Variants in PRRX2 observed in about 807,000 individuals in gnomAD.
PRRX2 encodes the protein paired mesoderm homeobox protein 2.
Under a neutral mutation model 18.0 loss-of-function variants are expected in PRRX2, and 11 were observed. The ratio of observed to expected loss-of-function variants is 0.61; its 90% CI spans 0.39 to 1.01. The LOEUF (loss-of-function observed/expected upper bound fraction) is 1.01. Ranked by LOEUF, PRRX2 falls within the 50% of genes least tolerant of loss-of-function variation. The pLI is 0.01. For missense variants in PRRX2, 387 were observed against 351.0 expected, an observed-to-expected ratio of 1.10 and a Z score of -0.82; for synonymous variants, 177 against 154.8, an observed-to-expected ratio of 1.14 and a Z score of -1.06.
Position 129,722,407 on chromosome 9 carries a change from G to A in PRRX2, c.*55G>A, listed in dbSNP as rs1220960172. On this transcript the variant is annotated 3_prime_UTR_variant, in exon 4 of 4. Coordinates refer to ENST00000372469, the MANE Select transcript of PRRX2 (RefSeq NM_016307.4). ...CCCTGGGTGGACAGCAATAGAAAAG[G>A]GGGCAGACGCCCAGGAAGTGACCTT... is the stretch of plus-strand genomic sequence containing the variant. 1 of 1,594,162 alleles carries A rather than the reference G, an allele frequency of 6.3e-7. No individual in the cohort carries two copies. The highest frequency in any genetic ancestry group is 1.3e-5 in the African/African-American group (1 of 74,264).
At chr9:129,682,935 C>CA (rs896731810) in intron 1 of PRRX2, among the ~76,000 whole-genome samples, 1 of 151,922 alleles carries the variant, frequency 6.6e-6, no homozygotes, top group African/African-American at 2.4e-5. Context: ...TGAACCCCCC[C>CA]CATCTCTACT....
chr9:129,681,657 C>G (rs1175089009), intron 1 of PRRX2, among the ~76,000 whole-genome samples: 1 of 152,166 alleles, frequency 6.6e-6, no homozygotes, highest in Non-Finnish European at 1.5e-5. Context: ...ATCCGGTGCC[C>G]CCTCTCTGCT....
chr9:129,701,088 A>G (rs954508094), intron 1 of PRRX2, among the ~76,000 whole-genome samples: 1 of 152,382 alleles, frequency 6.6e-6, no homozygotes, highest in African/African-American at 2.4e-5. Flanking sequence ...CAATAGAGGA[A>G]AATCGCAAGA....
chr9:129,714,254 G>A (rs1394786692), intron 1 of PRRX2, among the ~76,000 whole-genome samples: 4 of 151,730 alleles, frequency 2.6e-5, no homozygotes, highest in Non-Finnish European at 5.9e-5. Flanking sequence ...GCAGTGAGCC[G>A]AGATCGTGCC....
At chr9:129,703,981 A>G in intron 1 of PRRX2, among the ~76,000 whole-genome samples, 1 of 152,238 alleles carries the variant, frequency 6.6e-6, no homozygotes, top group East Asian at 1.9e-4. Context: ...GGGGACCCCA[A>G]GAGGGGGCAG....
rs991011621 is a variant in PRRX2, at chr9:129,666,217, C to G, written c.259+91C>G. 9.4e-4 allele frequency: 879 copies of G among 932,952 alleles called. 22 individuals are homozygous for G. The Admixed American group carries it at 0.048, about 51-fold the overall frequency. The allele number at this position is 932,952 out of a possible 1,614,324, so 57.8% of individuals were successfully genotyped here. ...GTCCGGGGAGCCGGCGCGGGGCGGG[C>G]GAAGATGCAGGGCGCGTGGTCGGCG... On this transcript the variant is annotated intron_variant, in intron 1 of 3. Transcript: ENST00000372469.
At chr9:129,674,129 C>T (rs1262512241) in intron 1 of PRRX2, among the ~76,000 whole-genome samples, 1 of 152,090 alleles carries the variant, frequency 6.6e-6, no homozygotes, top group Admixed American at 6.6e-5. Context: ...TGTTATGAGA[C>T]CCAGAAAGCA....
chr9:129,719,212 G>GCC lies in PRRX2; in HGVS notation c.260-13_260-12dup, dbSNP rs3214712. On this transcript the variant is annotated intron_variant, in intron 1 of 3. Coordinates refer to ENST00000372469, the MANE Select transcript of PRRX2 (RefSeq NM_016307.4). Reference sequence around the variant, plus strand: ...CACTGGCCGTCCTGCTGACCATCCCGCCCCCCCAACCTCCGCAGGTGAGTG... The same window carrying GCC: ...CACTGGCCGTCCTGCTGACCATCCCGCCCCCCCCCAACCTCCGCAGGTGAGTG... The GCC allele has an allele frequency of 1.7e-5, 26 of 1,541,900 alleles. No homozygotes were observed. In the East Asian group the frequency reaches 2.8e-4, roughly 17 times the overall value.
intron 1 of PRRX2, among the ~76,000 whole-genome samples, chr9:129,686,599 C>T (rs748202561): frequency 5.9e-5 from 9 of 152,152 alleles, no homozygotes; most frequent in Non-Finnish European, 1.3e-4. Context: ...TCCTAAAGCT[C>T]TGGGATCACA....
Position 129,719,463 on chromosome 9 carries a change from A to T in PRRX2, c.447+45A>T, listed in dbSNP as rs940411335. ...CCTCCCGTGGGAGCGTGCGCGTGGG[A>T]GCGCACAGCCACTGTTCACCCGGGA... On this transcript the variant is annotated intron_variant, in intron 2 of 3. Coordinates refer to ENST00000372469, the MANE Select transcript of PRRX2 (RefSeq NM_016307.4). The T allele has an allele frequency of 2.8e-6, 4 of 1,445,540 alleles. No homozygotes were observed. The African/African-American group carries it at 5.8e-5, about 21-fold the overall frequency. The allele number at this position is 1,445,540 out of a possible 1,614,324, so 89.5% of individuals were successfully genotyped here.
At chr9:129,668,702 G>C (rs1439232410) in intron 1 of PRRX2, among the ~76,000 whole-genome samples, 1 of 150,982 alleles carries the variant, frequency 6.6e-6, no homozygotes, top group Non-Finnish European at 1.5e-5. Flanking sequence ...CCTTGAACCC[G>C]GGAGGCGGAG....
rs111270890 is a variant in PRRX2 at position 129,715,747 on chromosome 9, T to TTC, written c.260-3481_260-3480dup. Among the ~76,000 whole-genome samples, 634 of 112,782 alleles carry TTC rather than the reference T, an allele frequency of 5.6e-3. 2 individuals carry two copies. Among genetic ancestry groups the TTC allele is most frequent in the African/African-American group, 0.014 (425 of 30,728 alleles). The allele number at this position is 112,782 out of a possible 152,430, so 74.0% of individuals were successfully genotyped here. A position where few individuals can be genotyped will look rare whatever the true frequency, so the allele number is the denominator to read the frequency against. The stretch of plus-strand genomic sequence containing the variant: ...TCCAAACCCAGCTTCAGGGACATCT[T>TTC]TCTCACACACACACACACACACACA... On this transcript the variant is annotated intron_variant, in intron 1 of 3. Coordinates refer to ENST00000372469, the MANE Select transcript of PRRX2 (RefSeq NM_016307.4). This position sits in a 1 kb window ranked among gnomAD's most constrained non-coding sequence, Gnocchi z 4.0.
chr9:129,688,796 G>C (rs1832324446), intron 1 of PRRX2, among the ~76,000 whole-genome samples: 1 of 152,134 alleles, frequency 6.6e-6, no homozygotes, highest in Non-Finnish European at 1.5e-5. Flanking sequence ...TTTCCAGTTG[G>C]GTCTTGTAGG....
intron 1 of PRRX2, among the ~76,000 whole-genome samples, chr9:129,705,758 G>GCA (rs1218578394): frequency 6.6e-5 from 10 of 151,502 alleles, no homozygotes; most frequent in African/African-American, 1.9e-4. Flanking sequence ...CTGTGACCCG[G>GCA]CCGCATGGGG....
intron 1 of PRRX2, among the ~76,000 whole-genome samples, chr9:129,670,276 C>T (rs929411248): frequency 2.6e-5 from 4 of 151,834 alleles, no homozygotes; most frequent in African/African-American, 7.3e-5. Context: ...TGAACAGCAC[C>T]GCTGTGGACG....
intron 1 of PRRX2, among the ~76,000 whole-genome samples, chr9:129,717,170 T>A (rs1832719027): frequency 6.6e-6 from 1 of 152,132 alleles, no homozygotes; most frequent in South Asian, 2.1e-4. Context: ...CCTCAGCCTC[T>A]GGAGTAACTG....
chr9:129,667,289 G>A (rs1376152687), intron 1 of PRRX2, among the ~76,000 whole-genome samples: 2 of 152,208 alleles, frequency 1.3e-5, no homozygotes, highest in Non-Finnish European at 2.9e-5. Flanking sequence ...CCTCCCAGGA[G>A]TTGGGGTTTA....
At chr9:129,717,932 G>T (rs548534113) in intron 1 of PRRX2, among the ~76,000 whole-genome samples, 12 of 152,164 alleles carry the variant, frequency 7.9e-5, no homozygotes, top group South Asian at 2.1e-4. Flanking sequence ...AGGGAAGGGG[G>T]TTTGGTTCCA....
rs2119050495 is a variant in PRRX2 at position 129,671,977 on chromosome 9, C to CT, written c.259+5851_259+5852insT. On this transcript the variant is annotated intron_variant, in intron 1 of 3. Coordinates refer to ENST00000372469, the MANE Select transcript of PRRX2 (RefSeq NM_016307.4). The surrounding 1 kb of genome is among the most constrained non-coding windows in gnomAD (Gnocchi z 4.0). Reference sequence around the variant, plus strand: ...GGGGCAGCACGGAACGGGCTCTGTGCCTATGTTAGGCGTTTCTGAGTAGGT... The same window carrying CT: ...GGGGCAGCACGGAACGGGCTCTGTGCTCTATGTTAGGCGTTTCTGAGTAGGT... Among the ~76,000 whole-genome samples, 1 of 152,184 alleles carries CT rather than the reference C, an allele frequency of 6.6e-6. No individual in the cohort carries two copies. Among genetic ancestry groups the CT allele is most frequent in the East Asian group, 1.9e-4 (1 of 5,176 alleles).
Sources: allele counts gnomAD v4.1 joint callset (sites outside exome capture counted in the v4.1 genomes callset), GRCh38; gene constraint gnomAD v4.1.1; non-coding constraint Gnocchi (gnomAD v3.1); transcripts MANE v1.5; gene names NCBI Gene and HGNC (gene_info 2026-07-23, HGNC 2026-07-21).